Variants in ATP9B observed in about 807,000 individuals in gnomAD.
The protein encoded by ATP9B is ATPase phospholipid transporting 9B.
Under a neutral mutation model 146.1 loss-of-function variants are expected in ATP9B, and 110 were observed. The observed-to-expected ratio is 0.75, with a 90% CI of 0.65 to 0.88. ATP9B has a LOEUF of 0.88. ATP9B is among the 40% of genes least tolerant of loss of function. The probability of loss-of-function intolerance (pLI) is 0.00; values close to 1 mark genes in which losing one functional copy is unlikely to be tolerated. For missense variants in ATP9B, 1,499 were observed against 1,496.4 expected (o/e 1.00, Z -0.03); for synonymous variants, 604 against 569.7 (o/e 1.06, Z -0.86).
At chr18:79,339,034 A>G (rs1170254490) in intron 19 of ATP9B, among the ~76,000 whole-genome samples, 1 of 152,240 alleles carries the variant, frequency 6.6e-6, no homozygotes. Context: ...AGAGACTTGT[A>G]AGATTTAATG....
At chr18:79,254,778 G>A (rs1364035610) in intron 12 of ATP9B, 1 of 152,512 alleles carries the variant, frequency 6.6e-6, no homozygotes, top group Non-Finnish European at 1.5e-5. Flanking sequence ...TGTGTCCTCT[G>A]CTTCAGTGCT....
rs2147948298 is a variant in ATP9B at position 79,176,955 on chromosome 18, T to C, written c.873+48T>C. The stretch of plus-strand genomic sequence containing the variant: ...CATCCTTTTATCTTCAATGGTAGTT[T>C]CTAGGCTTCACGTATATTTCTGTTT... On this transcript the variant is annotated intron_variant, in intron 8 of 29. Coordinates refer to ENST00000426216, the MANE Select transcript of ATP9B (RefSeq NM_198531.5). 3 of 1,500,614 alleles carry C rather than the reference T, an allele frequency of 2.0e-6. No homozygotes were observed. The East Asian group carries it at 6.8e-5, about 34-fold the overall frequency. The allele number at this position is 1,500,614 out of a possible 1,614,324, so 93.0% of individuals were successfully genotyped here. A position where few individuals can be genotyped will look rare whatever the true frequency, so the allele number is the denominator to read the frequency against.
chr18:79,253,463 C>T lies in ATP9B; in HGVS notation c.1190C>T (p.Thr397Ile), dbSNP rs756663580. 3 of 1,613,426 alleles carry T rather than the reference C, an allele frequency of 1.9e-6. No individual in the cohort carries two copies. Among genetic ancestry groups the T allele is most frequent in the African/African-American group, 2.7e-5 (2 of 74,854 alleles). ...ALVALSIVMV[T>I]LQGFVGPWYR... ...GTTGCTCTTTCCATTGTTATGGTAA[C>T]CTTACAAGGATTTGTGGGTCCATGG... Residue 397 changes from threonine to isoleucine, a missense_variant, in exon 12 of 30, where the codon ACC (threonine) becomes ATC (isoleucine). Physicochemically the swap from Thr to Ile is moderately conservative, Grantham distance 89. Transcript: ENST00000426216.
At chr18:79,236,893 TCCCCC>T (rs2095846469) in intron 11 of ATP9B, among the ~76,000 whole-genome samples, 3 of 113,926 alleles carry the variant, frequency 2.6e-5, no homozygotes, top group Non-Finnish European at 1.9e-5. Context: ...ACCTGCCCCT[TCCCCC>T]TTCCCCACTG....
chr18:79,121,934 G>C lies in ATP9B; in HGVS notation c.559-4333G>C, dbSNP rs1286152145. 3.3e-5 allele frequency among the ~76,000 whole-genome samples: 5 copies of C among 152,232 alleles called. No individual in the cohort carries two copies. In the East Asian group the frequency reaches 9.7e-4, roughly 29 times the overall value. ...TTCACTGACTTCCTTGAGTTCTTAG[G>C]AACTAGCACATTTTTGTGGCTTATG... On this transcript the variant is annotated intron_variant, in intron 4 of 29. Transcript: ENST00000426216.
intron 25 of ATP9B, among the ~76,000 whole-genome samples, chr18:79,355,015 T>C (rs2096943224): frequency 6.6e-6 from 1 of 152,214 alleles, no homozygotes; most frequent in Admixed American, 6.5e-5. Context: ...GATGCAGCGA[T>C]GCACCCGGCA....
intron 15 of ATP9B, among the ~76,000 whole-genome samples, chr18:79,311,678 A>G (rs1232938658): frequency 6.6e-6 from 1 of 152,232 alleles, no homozygotes; most frequent in African/African-American, 2.4e-5. Flanking sequence ...AAAGTAGCCA[A>G]AACGATGAAA....
At position 79,253,501 on chromosome 18, in the gene ATP9B, T is replaced by C; in HGVS notation, c.1228T>C (p.Phe410Leu). Residue 410 changes from phenylalanine to leucine, a missense_variant, in exon 12 of 30, where the codon TTT becomes CTT. By Grantham distance (22) the Phe-to-Leu change is conservative (BLOSUM62 0). Transcript: ENST00000426216. ...GFVGPWYRNL[F>L]RFLLLFSYII... ...TGTGGGTCCATGGTACCGCAATCTT[T>C]TTCGGTTCCTTCTCCTCTTTTCTTA... The C allele has an allele frequency of 6.2e-7, 1 of 1,607,414 alleles. No homozygotes were observed. Among genetic ancestry groups the C allele is most frequent in the Admixed American group, 1.7e-5 (1 of 58,432 alleles).
intron 26 of ATP9B, among the ~76,000 whole-genome samples, chr18:79,371,424 T>C (rs1454878618): frequency 1.3e-5 from 2 of 149,102 alleles, no homozygotes; most frequent in East Asian, 3.9e-4. Context: ...TTCGTCACAG[T>C]GAATTTGAAT....
At chr18:79,213,083 A>G (rs369284107) in intron 10 of ATP9B, among the ~76,000 whole-genome samples, 1 of 152,150 alleles carries the variant, frequency 6.6e-6, no homozygotes, top group Non-Finnish European at 1.5e-5. Flanking sequence ...TGCATTTTAC[A>G]TGTTAAGTTA....
At chr18:79,176,719 G>C in intron 7 of ATP9B, 94 bp from the exon 8 acceptor site, 3 of 975,784 alleles carry the variant, frequency 3.1e-6, no homozygotes, top group East Asian at 2.5e-5. Context: ...TTGTCCTACT[G>C]TGCCCTGGAA....
At chr18:79,201,951 C>G (rs548066520) in intron 9 of ATP9B, among the ~76,000 whole-genome samples, 1 of 152,130 alleles carries the variant, frequency 6.6e-6, no homozygotes, top group South Asian at 2.1e-4. Context: ...ATGTGGGAGG[C>G]GGATGTGGGA....
intron 11 of ATP9B, among the ~76,000 whole-genome samples, chr18:79,244,140 C>T (rs1433477769): frequency 6.6e-6 from 1 of 151,876 alleles, no homozygotes; most frequent in African/African-American, 2.4e-5. Context: ...ACCCCCCCTC[C>T]GCCCCCTCTA....
rs1434413708 is a variant in ATP9B at position 79,127,091 on chromosome 18, G to T, written c.667+716G>T. 2.6e-5 allele frequency among the ~76,000 whole-genome samples: 4 copies of T among 152,230 alleles called. No homozygotes were observed. The South Asian group carries it at 8.3e-4, about 32-fold the overall frequency. On this transcript the variant is annotated intron_variant, in intron 5 of 29. Transcript: ENST00000426216. ...AAGTCTGTTTAAAAAGTTTGCAGTGGATTTTTATCTTTTGTATGTATATAA... is the reference window on the plus strand; with the variant it reads ...AAGTCTGTTTAAAAAGTTTGCAGTGTATTTTTATCTTTTGTATGTATATAA...
At chr18:79,290,037 C>G (rs1242653200) in intron 13 of ATP9B, among the ~76,000 whole-genome samples, 1 of 152,146 alleles carries the variant, frequency 6.6e-6, no homozygotes, top group Non-Finnish European at 1.5e-5. Flanking sequence ...GGGGGTGCCT[C>G]CCAGTTAGGC....
chr18:79,202,409 A>G (rs1182570626), intron 9 of ATP9B, among the ~76,000 whole-genome samples: 1 of 152,164 alleles, frequency 6.6e-6, no homozygotes, highest in African/African-American at 2.4e-5. Flanking sequence ...TTTCTGCTGT[A>G]ATTTCTTTTG....
chr18:79,097,820 A>G (rs2074928303), intron 2 of ATP9B, among the ~76,000 whole-genome samples: 1 of 146,414 alleles, frequency 6.8e-6, no homozygotes, highest in Non-Finnish European at 1.5e-5. Context: ...TATTGTGAAT[A>G]GTGCCGCAAT....
At chr18:79,138,775 A>T (rs1188301188) in intron 5 of ATP9B, among the ~76,000 whole-genome samples, 3 of 109,302 alleles carry the variant, frequency 2.7e-5, no homozygotes, top group Admixed American at 9.0e-5. Context: ...TTCTTACATT[A>T]AAAAAAAAAA....
intron 12 of ATP9B, among the ~76,000 whole-genome samples, chr18:79,256,283 A>ATC: frequency 7.1e-6 from 1 of 140,982 alleles, no homozygotes; most frequent in African/African-American, 2.7e-5. Context: ...ATATATATAT[A>ATC]TATACATACA....
Sources: gnomAD v4.1 joint callset for allele counts (sites outside exome capture counted in the v4.1 genomes callset) on GRCh38, gnomAD v4.1.1 for gene constraint, MANE v1.5 for transcripts, NCBI Gene and HGNC (gene_info 2026-07-23, HGNC 2026-07-21) for gene names.